PTPRB: variants seen among roughly 807,000 people sequenced by gnomAD.
PTPRB encodes receptor-type tyrosine-protein phosphatase beta.
Under a neutral mutation model 238.1 loss-of-function variants are expected in PTPRB, and 97 were observed. That is an observed-to-expected ratio of 0.41 (90% CI 0.35 to 0.48). The LOEUF (loss-of-function observed/expected upper bound fraction) is 0.48. PTPRB is among the 20% of genes least tolerant of loss of function. The pLI, the probability that PTPRB is intolerant of heterozygous loss-of-function variation, is 0.30. For synonymous variants in PTPRB, 970 were observed against 995.4 expected, an observed-to-expected ratio of 0.97 and a Z score of 0.48; for missense variants, 2,292 against 2,681.9, an observed-to-expected ratio of 0.85 and a Z score of 3.21.
At chr12:70,589,840 C>G (rs1882291620) in intron 8 of PTPRB, 124 bp downstream of exon 8, 1 of 962,964 alleles carries the variant, frequency 1.0e-6, no homozygotes, top group South Asian at 1.7e-5. Flanking sequence ...CCTTAAAGTC[C>G]TTAATATCTC....
chr12:70,517,016 C>T lies in PTPRB; in HGVS notation c.*4473G>A, dbSNP rs1168766410. The T allele has an allele frequency of 2.0e-5, 3 of 152,178 alleles. No homozygotes were observed. The highest frequency in any genetic ancestry group is 7.2e-5 in the African/African-American group (3 of 41,440). The allele number at this position is 152,178 out of a possible 1,614,324, so 9.4% of individuals were successfully genotyped here. ...CCAGAAATACTTCTATTGCTAGAAA[C>T]ATTTTTAGAACAGAACAGATTTTTC... is the stretch of plus-strand genomic sequence containing the variant. On this transcript the variant is annotated 3_prime_UTR_variant, in exon 34 of 34. Transcript: ENST00000334414.
At chr12:70,555,404 G>T (rs1877506302) in intron 19 of PTPRB, 95 bp from the exon 20 acceptor site, 1 of 1,180,880 alleles carries the variant, frequency 8.5e-7, no homozygotes. Flanking sequence ...CTGCTCTCCT[G>T]CATCAGACTG....
chr12:70,593,513 CAAAAAAAAAAAA>C (rs71437149), intron 6 of PTPRB, among the ~76,000 whole-genome samples: 3 of 36,698 alleles, frequency 8.2e-5, no homozygotes, highest in South Asian at 1.3e-3. Context: ...AACTCTGTCT[CAAAAAAAAAAAA>C]AAAAAAAAAA....
chr12:70,562,470 C>T (rs1489565807), intron 16 of PTPRB, among the ~76,000 whole-genome samples: 1 of 152,130 alleles, frequency 6.6e-6, no homozygotes, highest in Non-Finnish European at 1.5e-5. Context: ...TTTGTGGTTG[C>T]CCTTCTCTGC....
Position 70,532,038 on chromosome 12 carries a change from A to G in PTPRB, c.6501T>C (p.Thr2167=). The G allele has an allele frequency of 6.2e-7, 1 of 1,613,918 alleles. No individual in the cohort carries two copies. Among genetic ancestry groups the G allele is most frequent in the Non-Finnish European group, 8.5e-7 (1 of 1,179,882 alleles). ...ACTTTCAGTCTATAACTCTTACCTC[A>G]GTCTGGACCATGTGAACCCTGTGAA... is the stretch of plus-strand genomic sequence containing the variant. ...LRLHRVHMVQ[T]ECQYVYLHQC... is the part of the protein sequence containing the mutation. Residue 2167 remains threonine, a synonymous_variant, in exon 32 of 34, where the codon ACT becomes ACC. Coordinates refer to ENST00000334414, the MANE Select transcript of PTPRB (RefSeq NM_001109754.4).
chr12:70,602,152 GCTTA>G (rs928672766), intron 4 of PTPRB, among the ~76,000 whole-genome samples: 8 of 152,134 alleles, frequency 5.3e-5, no homozygotes, highest in African/African-American at 1.9e-4. Flanking sequence ...CAGTTTTCTG[GCTTA>G]CTTTAAAGAT....
intron 32 of PTPRB, among the ~76,000 whole-genome samples, chr12:70,526,106 A>T (rs1028830407): frequency 2.0e-5 from 3 of 152,216 alleles, no homozygotes; most frequent in Non-Finnish European, 4.4e-5. Flanking sequence ...TTGGCACTAG[A>T]TACTGTCCCT....
chr12:70,629,765 T>TCAC (rs1180164797), intron 2 of PTPRB, among the ~76,000 whole-genome samples: 4 of 151,874 alleles, frequency 2.6e-5, no homozygotes, highest in African/African-American at 7.3e-5. Flanking sequence ...TAAAGGGATA[T>TCAC]CACCACCGAT....
chr12:70,611,090 C>A (rs1884419737), intron 3 of PTPRB, among the ~76,000 whole-genome samples: 1 of 152,230 alleles, frequency 6.6e-6, no homozygotes, highest in South Asian at 2.1e-4. Context: ...TTTTTTGGAG[C>A]ACCATCCCTA....
chr12:70,540,827 G>A (rs755906957), intron 23 of PTPRB, 31 bp downstream of exon 23: 1 of 1,504,760 alleles, frequency 6.6e-7, no homozygotes, highest in South Asian at 1.2e-5. Flanking sequence ...AAAGTTGTGG[G>A]TCCAATCACC....
At chr12:70,566,297 A>T in intron 15 of PTPRB, 138 bp downstream of exon 15, 2 of 1,131,332 alleles carry the variant, frequency 1.8e-6, no homozygotes, top group Non-Finnish European at 2.4e-6. Context: ...GGAAGTGGCA[A>T]ATCAGGGTGA....
intron 21 of PTPRB, among the ~76,000 whole-genome samples, chr12:70,552,517 AG>A (rs1877050448): frequency 6.6e-6 from 1 of 151,798 alleles, no homozygotes; most frequent in African/African-American, 2.4e-5. Flanking sequence ...AAGTTGTAGA[AG>A]AAAGAACAAT....
chr12:70,608,215 A>G (rs536339151), intron 4 of PTPRB, among the ~76,000 whole-genome samples: 1 of 152,368 alleles, frequency 6.6e-6, no homozygotes, highest in South Asian at 2.1e-4. Flanking sequence ...GTAAGGATAC[A>G]CTGTTGCAAC....
rs201547051 is a variant in PTPRB, at chr12:70,609,217, G to A, written c.831C>T (p.Ser277=). ...GSPCNFSLIY[S]SDTLGAALCP... ...ACAACGCGGCCCCCAGGGTGTCACT[G>A]CTATAGATGAGGCTAAAGTTACAGG... The change falls in exon 4 of 34, where the codon AGC becomes AGT. Residue 277 remains serine, a synonymous_variant. Coordinates refer to ENST00000334414, the MANE Select transcript of PTPRB (RefSeq NM_001109754.4). 7 of 1,614,068 alleles carry A rather than the reference G, an allele frequency of 4.3e-6. No homozygotes were observed. The Middle Eastern group carries it at 4.9e-4, about 114-fold the overall frequency.
Position 70,560,838 on chromosome 12 carries a change from T to C in PTPRB, c.4265A>G (p.Tyr1422Cys). 1 of 1,613,960 alleles carries C rather than the reference T, an allele frequency of 6.2e-7. No homozygotes were observed. Among genetic ancestry groups the C allele is most frequent in the East Asian group, 2.2e-5 (1 of 44,872 alleles). The change falls in exon 17 of 34, where the codon TAT becomes TGT. Residue 1422 changes from tyrosine to cysteine, a missense_variant. This residue lies in a region of PTPRB where 683 missense variants were observed against 862.0 expected (regional missense o/e 0.79). Transcript: ENST00000334414. This position sits in a 1 kb window ranked among gnomAD's most constrained non-coding sequence, Gnocchi z 4.2. ...ATTGGGATTATAGAGAATCAGCTCA[T>C]AAAAGTCAAAGTCCCCAGAGGCTGG... ...WSPASGDFDF[Y>C]ELILYNPNGT...
chr12:70,592,792 C>T (rs2136467081), intron 6 of PTPRB, among the ~76,000 whole-genome samples: 1 of 152,318 alleles, frequency 6.6e-6, no homozygotes, highest in African/African-American at 2.4e-5. Context: ...AAGGCCAAAA[C>T]CTTGGCAGGC....
intron 7 of PTPRB, among the ~76,000 whole-genome samples, chr12:70,591,539 TAC>T (rs1331802129): frequency 3.3e-5 from 5 of 152,240 alleles, no homozygotes; most frequent in African/African-American, 7.2e-5. Context: ...CAAATATCAA[TAC>T]AGTCACTATT....
intron 3 of PTPRB, among the ~76,000 whole-genome samples, chr12:70,617,560 T>G (rs556454591): frequency 6.6e-6 from 1 of 152,336 alleles, no homozygotes; most frequent in African/African-American, 2.4e-5. Context: ...TTTTTTCCCA[T>G]CTTTAGTTCT....
Position 70,635,611 on chromosome 12 carries a change from AAAC to A in PTPRB, c.451+57_451+59del, listed in dbSNP as rs1885646881. Reference sequence around the variant, plus strand: ...AAACAAACAAACAAACAAACAAACAAAACCCCCAAGATATTTAGTAGAAAGACT... The same window carrying A: ...AAACAAACAAACAAACAAACAAACAACCCCAAGATATTTAGTAGAAAGACT... On this transcript the variant is annotated intron_variant, in intron 2 of 33. Coordinates refer to ENST00000334414, the MANE Select transcript of PTPRB (RefSeq NM_001109754.4). 7 of 1,527,950 alleles carry A rather than the reference AAAC, an allele frequency of 4.6e-6. No homozygotes were observed. In the Admixed American group the frequency reaches 1.4e-4, roughly 30 times the overall value. The allele number at this position is 1,527,950 out of a possible 1,614,324, so 94.6% of individuals were successfully genotyped here.
Sources: gnomAD v4.1 joint callset for allele counts (sites outside exome capture counted in the v4.1 genomes callset) on GRCh38, gnomAD v4.1.1 for gene constraint, gnomAD v4.1.1 regional missense constraint, Gnocchi (gnomAD v3.1) non-coding constraint, MANE v1.5 for transcripts, NCBI Gene and HGNC (gene_info 2026-07-23, HGNC 2026-07-21) for gene names.